Variants in LIMD1 observed in about 807,000 individuals in gnomAD.
The protein encoded by LIMD1 is LIM domain-containing protein 1.
LIMD1 carries 23 observed loss-of-function variants against 58.4 expected under a neutral mutation model. The observed-to-expected ratio is 0.39, with a 90% CI of 0.28 to 0.56. LIMD1 has a LOEUF of 0.56. Among genes scored for constraint, LIMD1 ranks in the 20% least tolerant of loss-of-function variants. The pLI, the probability that LIMD1 is intolerant of heterozygous loss-of-function variation, is 0.57. For synonymous variants in LIMD1, 334 were observed against 345.5 expected, an observed-to-expected ratio of 0.97 and a Z score of 0.37; for missense variants, 838 against 855.5, an observed-to-expected ratio of 0.98 and a Z score of 0.25.
At chr3:45,603,743 T>A (rs914713458) in intron 1 of LIMD1, among the ~76,000 whole-genome samples, 7 of 151,942 alleles carry the variant, frequency 4.6e-5, no homozygotes, top group Admixed American at 4.6e-4. Flanking sequence ...CTTCAAGTGA[T>A]CTCCCACCTC....
chr3:45,614,395 C>G (rs1390029279), intron 1 of LIMD1, among the ~76,000 whole-genome samples: 2 of 128,580 alleles, frequency 1.6e-5, no homozygotes, highest in African/African-American at 6.0e-5. Context: ...GGCGTGGTGG[C>G]GGGCACCTGT....
intron 2 of LIMD1, among the ~76,000 whole-genome samples, chr3:45,656,190 C>A (rs1016613801): frequency 6.6e-6 from 1 of 152,144 alleles, no homozygotes; most frequent in East Asian, 1.9e-4. Flanking sequence ...TGTTGGACTT[C>A]CAACCTCCAG....
chr3:45,649,438 T>A (rs1446067377), intron 2 of LIMD1, among the ~76,000 whole-genome samples: 1 of 151,810 alleles, frequency 6.6e-6, no homozygotes, highest in Non-Finnish European at 1.5e-5. Context: ...TCCCAGCACT[T>A]TGGGAGGCCG....
intron 2 of LIMD1, among the ~76,000 whole-genome samples, chr3:45,659,039 T>C (rs1697389919): frequency 6.6e-6 from 1 of 152,188 alleles, no homozygotes; most frequent in Non-Finnish European, 1.5e-5. Flanking sequence ...TTTTTTCATA[T>C]TATACATATT....
intron 1 of LIMD1, among the ~76,000 whole-genome samples, chr3:45,605,399 A>T (rs1040191585): frequency 2.0e-5 from 3 of 152,256 alleles, no homozygotes; most frequent in Admixed American, 2.0e-4. Context: ...TTTACTTTAG[A>T]TATTCTGGAA....
chr3:45,658,487 T>C (rs926591133), intron 2 of LIMD1, among the ~76,000 whole-genome samples: 6 of 144,566 alleles, frequency 4.2e-5, no homozygotes, highest in African/African-American at 1.5e-4. Flanking sequence ...GGAAAGTATA[T>C]AGAAGCAACC....
intron 5 of LIMD1, 33 bp downstream of exon 5, chr3:45,672,853 C>A: frequency 6.2e-7 from 1 of 1,611,104 alleles, no homozygotes; most frequent in South Asian, 1.1e-5. Context: ...AGGACCCATT[C>A]GTGTAGGCCA....
chr3:45,658,535 CTTTT>C (rs10572210), intron 2 of LIMD1, among the ~76,000 whole-genome samples: 35 of 44,750 alleles, frequency 7.8e-4, no homozygotes, highest in Admixed American at 1.8e-3. Context: ...CATGCAGATT[CTTTT>C]TTTTTTTTTT....
Position 45,595,009 on chromosome 3 carries a change from A to G in LIMD1, c.130A>G (p.Thr44Ala). 1.9e-6 allele frequency: 3 copies of G among 1,613,882 alleles called. No homozygotes were observed. The highest frequency in any genetic ancestry group is 2.5e-6 in the Non-Finnish European group (3 of 1,180,008). Residue 44 changes from threonine (T) to alanine (A), a missense_variant, in exon 1 of 8, where the codon ACT becomes GCT. Thr to Ala is a moderately conservative substitution (Grantham distance 58, BLOSUM62 0). Around this residue, in one of 3 missense-constraint regions of LIMD1, gnomAD observed 659 missense variants for 639.8 expected, o/e 1.03. Transcript: ENST00000273317. ...AGGCAACAACCCCGAGTTTGAGGAA[A>G]CTCGCAGGGTGTTCGCCACCAAGAT... ...GAGNNPEFEE[T>A]RRVFATKMAK...
At chr3:45,673,619 A>G in intron 6 of LIMD1, 114 bp downstream of exon 6, 1 of 953,672 alleles carries the variant, frequency 1.0e-6, no homozygotes, top group Non-Finnish European at 1.7e-6. Context: ...TCCTTTTAAA[A>G]ATCTCAACTC....
chr3:45,611,723 TCTGAGGCTTGTCCTGACATCA>T lies in LIMD1; in HGVS notation c.1408+15446_1408+15466del, dbSNP rs3836514. Among the ~76,000 whole-genome samples, 1,086 of 152,326 alleles carry T rather than the reference TCTGAGGCTTGTCCTGACATCA, an allele frequency of 7.1e-3. 43 individuals are homozygous for T. In the East Asian group the frequency reaches 0.098, roughly 14 times the overall value. ...CAGGCAGCTTGCAAAGGCCTGTTTG[TCTGAGGCTTGTCCTGACATCA>T]CTGAGGCTTTGCTTGCAGGTGGCAG... is the stretch of plus-strand genomic sequence containing the variant. On this transcript the variant is annotated intron_variant, in intron 1 of 7. Transcript: ENST00000273317.
chr3:45,597,839 T>C (rs1029229920), intron 1 of LIMD1, among the ~76,000 whole-genome samples: 1 of 152,200 alleles, frequency 6.6e-6, no homozygotes. Context: ...ACTGGGCTGC[T>C]GGATGTGTGC....
intron 2 of LIMD1, among the ~76,000 whole-genome samples, chr3:45,648,589 G>A (rs1201140348): frequency 1.3e-5 from 2 of 152,076 alleles, no homozygotes; most frequent in East Asian, 3.8e-4. Context: ...TGTTCTCTTG[G>A]GTAAATATTA....
chr3:45,636,307 C>T (rs1278559881), intron 2 of LIMD1, 56 bp downstream of exon 2: 25 of 1,285,992 alleles, frequency 1.9e-5, no homozygotes, highest in Non-Finnish European at 2.7e-5. Context: ...ACATGGGAAC[C>T]GAGAAAGGGA....
chr3:45,662,270 C>T (rs4683135), intron 2 of LIMD1, among the ~76,000 whole-genome samples: 37,282 of 142,108 alleles, frequency 0.26, 5,567 homozygotes, highest in South Asian at 0.55. Context: ...TACGGTGTTT[C>T]ACCTAAGTGT....
intron 7 of LIMD1, among the ~76,000 whole-genome samples, chr3:45,676,545 C>T (rs1049386786): frequency 6.6e-6 from 1 of 152,136 alleles, no homozygotes; most frequent in Non-Finnish European, 1.5e-5. Context: ...TGAGTGAGAA[C>T]ATGTGGTGTT....
At chr3:45,602,884 G>C (rs1024862374) in intron 1 of LIMD1, among the ~76,000 whole-genome samples, 41 of 151,332 alleles carry the variant, frequency 2.7e-4, no homozygotes, top group African/African-American at 9.7e-4. Context: ...CCGTCACCCA[G>C]GCTGGAGTGC....
At chr3:45,640,317 G>T (rs1478510645) in intron 2 of LIMD1, among the ~76,000 whole-genome samples, 2 of 152,138 alleles carry the variant, frequency 1.3e-5, no homozygotes, top group African/African-American at 4.8e-5. Context: ...CCAGTCTTAT[G>T]ACTCAGCTCA....
chr3:45,635,412 A>G (rs1701775968), intron 1 of LIMD1, among the ~76,000 whole-genome samples: 1 of 151,680 alleles, frequency 6.6e-6, no homozygotes, highest in African/African-American at 2.4e-5. Flanking sequence ...GTAGGGGCCC[A>G]TCAGCAAAGG....
Sources: allele counts gnomAD v4.1 joint callset (sites outside exome capture counted in the v4.1 genomes callset), GRCh38; gene constraint gnomAD v4.1.1; regional missense constraint gnomAD v4.1.1; transcripts MANE v1.5; gene names NCBI Gene and HGNC (gene_info 2026-07-23, HGNC 2026-07-21).